The following GFRAL variants were observed in gnomAD, a reference collection of about 807,000 sequenced individuals.
GFRAL encodes GDNF family receptor alpha like.
A neutral mutation model predicts 45.4 loss-of-function variants in GFRAL; 36 were observed. The ratio of observed to expected loss-of-function variants is 0.79; its 90% CI spans 0.61 to 1.05. GFRAL has a LOEUF of 1.05. GFRAL is among the 50% of genes least tolerant of loss of function. GFRAL has a pLI of 0.00. For synonymous variants in GFRAL, 166 were observed against 154.1 expected (o/e 1.08, Z -0.57); for missense variants, 507 against 467.5 (o/e 1.08, Z -0.78).
At chr6:55,376,659 T>G (rs953934939) in intron 6 of GFRAL, among the ~76,000 whole-genome samples, 1 of 152,072 alleles carries the variant, frequency 6.6e-6, no homozygotes, top group African/African-American at 2.4e-5. Flanking sequence ...TCTGTAATGT[T>G]TGTTTGTATT....
At position 55,369,429 on chromosome 6, in the gene GFRAL, G is replaced by C. The variant is rs139212461; in HGVS notation, c.952+10291G>C. 2.8e-3 allele frequency among the ~76,000 whole-genome samples: 431 copies of C among 152,364 alleles called. 4 individuals carry two copies. The highest frequency in any genetic ancestry group is 9.7e-3 in the African/African-American group (402 of 41,578). On this transcript the variant is annotated intron_variant, in intron 6 of 8. Transcript: ENST00000340465. ...TGCGTCGCTCAGGCTCGGAGCTGTAGACCGGAGCTGTTCCTATTCGGCCAT... is the reference window on the plus strand; with the variant it reads ...TGCGTCGCTCAGGCTCGGAGCTGTACACCGGAGCTGTTCCTATTCGGCCAT...
chr6:55,344,731 G>A (rs1258386119), intron 3 of GFRAL, among the ~76,000 whole-genome samples: 1 of 152,136 alleles, frequency 6.6e-6, no homozygotes, highest in Non-Finnish European at 1.5e-5. Context: ...TATTCAATTA[G>A]GAAAAGAGAA....
At chr6:55,360,723 C>G (rs1768263229) in intron 6 of GFRAL, among the ~76,000 whole-genome samples, 1 of 151,780 alleles carries the variant, frequency 6.6e-6, no homozygotes, top group Non-Finnish European at 1.5e-5. Context: ...TCTGTTGAAA[C>G]TGAAAATACT....
At chr6:55,351,889 A>T (rs7749689) in intron 5 of GFRAL, among the ~76,000 whole-genome samples, 5,527 of 151,584 alleles carry the variant, frequency 0.036, 310 homozygotes, top group African/African-American at 0.12. Flanking sequence ...CCTGACTTAC[A>T]TATCAGCTTT....
intron 6 of GFRAL, among the ~76,000 whole-genome samples, chr6:55,360,966 A>C (rs1768266968): frequency 6.6e-6 from 1 of 152,106 alleles, no homozygotes; most frequent in South Asian, 2.1e-4. Context: ...TTCTAGTTCT[A>C]AACATGTTTT....
At chr6:55,364,627 G>T (rs1384229664) in intron 6 of GFRAL, among the ~76,000 whole-genome samples, 2 of 148,398 alleles carry the variant, frequency 1.3e-5, no homozygotes, top group Non-Finnish European at 1.5e-5. Flanking sequence ...AAGGTGTAAG[G>T]AAGGGATTCA....
chr6:55,339,348 G>T (rs979094787), intron 3 of GFRAL, among the ~76,000 whole-genome samples: 1 of 151,888 alleles, frequency 6.6e-6, no homozygotes, highest in African/African-American at 2.4e-5. Flanking sequence ...TTCTAAATTT[G>T]CAATGATAAA....
At chr6:55,343,027 C>T (rs929553603) in intron 3 of GFRAL, among the ~76,000 whole-genome samples, 6 of 152,284 alleles carry the variant, frequency 3.9e-5, no homozygotes, top group Middle Eastern at 3.4e-3. Flanking sequence ...ATTCATAAAG[C>T]AAGTCACTAG....
chr6:55,349,407 A>AT (rs1768085922), intron 3 of GFRAL, among the ~76,000 whole-genome samples: 1 of 152,010 alleles, frequency 6.6e-6, no homozygotes, highest in Non-Finnish European at 1.5e-5. Flanking sequence ...TTATGGATAC[A>AT]TTAGTGCTCC....
chr6:55,401,656 G>T, intron 8 of GFRAL, 134 bp from the exon 9 acceptor site: 1 of 656,460 alleles, frequency 1.5e-6, no homozygotes, highest in East Asian at 2.8e-5. Context: ...TTTTACTATT[G>T]GGACTTTACA....
chr6:55,348,321 T>C (rs1025232233), intron 3 of GFRAL, among the ~76,000 whole-genome samples: 2 of 152,076 alleles, frequency 1.3e-5, no homozygotes, highest in African/African-American at 4.8e-5. Context: ...AATTAGCATT[T>C]AATGTATAAG....
At chr6:55,341,608 C>T (rs1021298170) in intron 3 of GFRAL, among the ~76,000 whole-genome samples, 2 of 152,140 alleles carry the variant, frequency 1.3e-5, no homozygotes, top group African/African-American at 2.4e-5. Flanking sequence ...TTCTAAAAAT[C>T]AGAGCAACTC....
chr6:55,364,379 T>G (rs982022711), intron 6 of GFRAL, among the ~76,000 whole-genome samples: 6 of 148,968 alleles, frequency 4.0e-5, no homozygotes, highest in East Asian at 1.9e-4. Context: ...TTTCTCCCAT[T>G]TTGTAGGTTG....
intron 6 of GFRAL, 86 bp from the exon 7 acceptor site, chr6:55,399,094 C>A (rs945664660): frequency 7.9e-6 from 5 of 631,344 alleles, no homozygotes; most frequent in African/African-American, 7.5e-5. Context: ...TAAATTGCTG[C>A]CTTAAAAGAT....
chr6:55,342,704 A>G (rs1256998803), intron 3 of GFRAL, among the ~76,000 whole-genome samples: 2 of 152,124 alleles, frequency 1.3e-5, no homozygotes, highest in Non-Finnish European at 2.9e-5. Context: ...AATGGGCTAA[A>G]TGCTCCAATT....
At chr6:55,339,005 A>G (rs1313591791) in intron 3 of GFRAL, among the ~76,000 whole-genome samples, 2 of 152,192 alleles carry the variant, frequency 1.3e-5, no homozygotes, top group African/African-American at 4.8e-5. Context: ...CAGGTCAAGA[A>G]TATCAGTTAA....
At chr6:55,356,695 C>T (rs1225219783) in intron 5 of GFRAL, among the ~76,000 whole-genome samples, 2 of 151,616 alleles carry the variant, frequency 1.3e-5, no homozygotes, top group African/African-American at 4.8e-5. Flanking sequence ...GTTTCACTTT[C>T]ATTTATTTCT....
At chr6:55,397,737 A>G (rs530866944) in intron 6 of GFRAL, among the ~76,000 whole-genome samples, 30 of 152,210 alleles carry the variant, frequency 2.0e-4, no homozygotes, top group African/African-American at 6.5e-4. Context: ...TTGGCTCCCA[A>G]TAAGCTGTCT....
intron 3 of GFRAL, among the ~76,000 whole-genome samples, chr6:55,339,165 T>G (rs1395066910): frequency 6.6e-6 from 1 of 152,120 alleles, no homozygotes; most frequent in African/African-American, 2.4e-5. Flanking sequence ...GAATTTAAAA[T>G]GTATTAAGCG....
Sources: allele counts gnomAD v4.1 joint callset (sites outside exome capture counted in the v4.1 genomes callset), GRCh38; gene constraint gnomAD v4.1.1; transcripts MANE v1.5; gene names NCBI Gene and HGNC (gene_info 2026-07-23, HGNC 2026-07-21).